The following ZNF723 variants were observed in gnomAD, a reference collection of about 807,000 sequenced individuals.
ZNF723 encodes zinc finger protein 723, pseudogene.
ZNF723 carries 5 observed loss-of-function variants against 9.4 expected under a neutral mutation model. The observed-to-expected ratio is 0.53, with a 90% CI of 0.28 to 1.12. The LOEUF is 1.12. ZNF723 is among the 50% of genes most tolerant of loss of function. ZNF723 has a pLI of 0.10. For missense variants in ZNF723, 450 were observed against 501.5 expected (o/e 0.90, Z 0.98); for synonymous variants, 158 against 168.8 (o/e 0.94, Z 0.49).
chr19:22,843,554 TCCAGGAAC>T (rs1343352611), intron 1 of ZNF723, among the ~76,000 whole-genome samples: 2 of 152,186 alleles, frequency 1.3e-5, no homozygotes, highest in East Asian at 3.9e-4. Flanking sequence ...GAAGCAGTCA[TCCAGGAAC>T]CATCCAGGAA....
At chr19:22,855,074 T>G (rs934007487) in intron 3 of ZNF723, among the ~76,000 whole-genome samples, 18 of 152,036 alleles carry the variant, frequency 1.2e-4, no homozygotes, top group African/African-American at 4.3e-4. Flanking sequence ...TTCCTCAAAT[T>G]TTTTATTTTT....
chr19:22,815,424 C>T, the ZNF723 span, among the ~76,000 whole-genome samples: 3 of 152,162 alleles, frequency 2.0e-5, no homozygotes, highest in Admixed American at 2.0e-4. Context: ...TCACTGAGTT[C>T]AGCACCCAGG....
intron 1 of ZNF723, among the ~76,000 whole-genome samples, chr19:22,837,566 C>T: frequency 6.6e-6 from 1 of 152,268 alleles, no homozygotes; most frequent in Non-Finnish European, 1.5e-5. Flanking sequence ...AGGAGAGGCT[C>T]TGCTTTCCTG....
chr19:22,848,734 TTTATTTA>T (rs1967349454), intron 2 of ZNF723, among the ~76,000 whole-genome samples: 1 of 20,448 alleles, frequency 4.9e-5, no homozygotes, highest in African/African-American at 1.6e-4. Flanking sequence ...AATTATTTTA[TTTATTTA>T]TTTATTTATT....
intron 1 of ZNF723, among the ~76,000 whole-genome samples, chr19:22,845,264 T>C (rs1476318925): frequency 6.6e-6 from 1 of 152,212 alleles, no homozygotes; most frequent in East Asian, 1.9e-4. Context: ...CCCAGGGTTC[T>C]ATTAGTTTGG....
the ZNF723 span, among the ~76,000 whole-genome samples, chr19:22,825,059 C>T: frequency 3.4e-4 from 52 of 152,304 alleles, no homozygotes; most frequent in Admixed American, 2.1e-3. Context: ...CTTATATGCA[C>T]ACCCACCCAA....
chr19:22,815,496 A>C, the ZNF723 span, among the ~76,000 whole-genome samples: 1 of 152,112 alleles, frequency 6.6e-6, no homozygotes, highest in Non-Finnish European at 1.5e-5. Flanking sequence ...TCTGTGGCTG[A>C]GTACCTAGGT....
At chr19:22,846,719 C>G (rs1426082661) in intron 1 of ZNF723, among the ~76,000 whole-genome samples, 1 of 151,292 alleles carries the variant, frequency 6.6e-6, no homozygotes, top group Non-Finnish European at 1.5e-5. Context: ...TCCTTAAAAT[C>G]ACTACTAAAA....
chr19:22,857,632 T>TAA lies in ZNF723; in HGVS notation c.742_743dup (p.Ile250GlufsTer169), dbSNP rs938545664. ...ATGTGTCCTCAAGCCTTAATAATCATAAGAGAATTCATACTGGAGAGAAAC... is the reference window on the plus strand; with the variant it reads ...ATGTGTCCTCAAGCCTTAATAATCATAAAAGAGAATTCATACTGGAGAGAAAC... On this transcript the variant is annotated frameshift_variant, in exon 4 of 4. Transcript: ENST00000600766. LOFTEE classifies it low-confidence loss of function (END_TRUNC). 3 of 1,282,760 alleles carry TAA rather than the reference T, an allele frequency of 2.3e-6. No individual in the cohort carries two copies. The highest frequency in any genetic ancestry group is 3.4e-6 in the Non-Finnish European group (3 of 879,074). 79.5% of individuals were successfully genotyped at this position (1,282,760 alleles called of 1,614,324 possible). A position where few individuals can be genotyped will look rare whatever the true frequency, so the allele number is the denominator to read the frequency against.
At chr19:22,846,619 T>C (rs1258119831) in intron 1 of ZNF723, among the ~76,000 whole-genome samples, 1 of 151,966 alleles carries the variant, frequency 6.6e-6, no homozygotes, top group East Asian at 1.9e-4. Context: ...TGAGACTCTG[T>C]CTCAAGAAAA....
At chr19:22,835,330 C>T (rs530666842) in intron 1 of ZNF723, among the ~76,000 whole-genome samples, 2,132 of 151,852 alleles carry the variant, frequency 0.014, 39 homozygotes, top group African/African-American at 0.049. Flanking sequence ...GCGTGAGCCA[C>T]CACGCCTGTA....
the ZNF723 span, among the ~76,000 whole-genome samples, chr19:22,817,633 T>G: frequency 1.3e-5 from 2 of 152,098 alleles, no homozygotes; most frequent in Non-Finnish European, 2.9e-5. Flanking sequence ...ACCAAAGTGA[T>G]GAAACTTTCT....
At chr19:22,839,471 T>TTG (rs1056722335) in intron 1 of ZNF723, among the ~76,000 whole-genome samples, 28 of 149,288 alleles carry the variant, frequency 1.9e-4, no homozygotes, top group African/African-American at 6.9e-4. Flanking sequence ...TTTTGGTTTT[T>TTG]TTTTTTTTTT....
chr19:22,839,702 C>T (rs543405371), intron 1 of ZNF723, among the ~76,000 whole-genome samples: 3 of 151,746 alleles, frequency 2.0e-5, no homozygotes, highest in South Asian at 2.1e-4. Context: ...CTCGAACTCC[C>T]GGCCTCAAGT....
At chr19:22,826,630 A>G in the ZNF723 span, among the ~76,000 whole-genome samples, 1 of 152,184 alleles carries the variant, frequency 6.6e-6, no homozygotes, top group Non-Finnish European at 1.5e-5. Flanking sequence ...CACAGTTGGA[A>G]TTGTGACTAT....
chr19:22,843,019 C>A (rs1226927990), intron 1 of ZNF723, among the ~76,000 whole-genome samples: 1 of 152,288 alleles, frequency 6.6e-6, no homozygotes, highest in Admixed American at 6.5e-5. Context: ...TAAGTGTGAA[C>A]AAGCATCTTC....
At chr19:22,855,946 G>A (rs998669454) in intron 3 of ZNF723, among the ~76,000 whole-genome samples, 1 of 151,612 alleles carries the variant, frequency 6.6e-6, no homozygotes, top group Non-Finnish European at 1.5e-5. Context: ...CTTTCTTTTA[G>A]AATTTTTTTG....
intron 1 of ZNF723, among the ~76,000 whole-genome samples, chr19:22,845,997 G>A (rs1292186734): frequency 6.9e-6 from 1 of 145,578 alleles, no homozygotes; most frequent in African/African-American, 2.6e-5. Flanking sequence ...CTTCTCTTGC[G>A]TTTTTCCTCC....
chr19:22,836,373 A>C (rs1967167005), intron 1 of ZNF723, among the ~76,000 whole-genome samples: 1 of 152,188 alleles, frequency 6.6e-6, no homozygotes, highest in South Asian at 2.1e-4. Flanking sequence ...ACAAAGTCAG[A>C]TTTATGTAAA....
Sources: gnomAD v4.1 joint callset for allele counts (sites outside exome capture counted in the v4.1 genomes callset) on GRCh38, gnomAD v4.1.1 for gene constraint, MANE v1.5 for transcripts, NCBI Gene and HGNC (gene_info 2026-07-23, HGNC 2026-07-21) for gene names.